The following GALNT13 variants were observed in gnomAD, a reference collection of about 807,000 sequenced individuals.
The protein encoded by GALNT13 is polypeptide N-acetylgalactosaminyltransferase 13.
In GALNT13, 28 loss-of-function variants were observed where a neutral mutation model predicts 64.2. The observed-to-expected ratio is 0.44, with a 90% CI of 0.32 to 0.60. The LOEUF (loss-of-function observed/expected upper bound fraction) is 0.60, where lower values mean the gene tolerates loss of function less well. Ranked by LOEUF, GALNT13 falls within the 20% of genes least tolerant of loss-of-function variation. GALNT13 has a pLI of 0.05. For missense variants in GALNT13, 577 were observed against 669.8 expected, an observed-to-expected ratio of 0.86 and a Z score of 1.53; for synonymous variants, 214 against 224.6, an observed-to-expected ratio of 0.95 and a Z score of 0.42.
chr2:153,255,811 TG>T, the GALNT13 span, among the ~76,000 whole-genome samples: 1 of 152,238 alleles, frequency 6.6e-6, no homozygotes, highest in Non-Finnish European at 1.5e-5. Flanking sequence ...CTCTTCTGGC[TG>T]GTAGAGTTTC....
intron 9 of GALNT13, among the ~76,000 whole-genome samples, chr2:154,362,232 A>C: frequency 6.6e-6 from 1 of 151,520 alleles, no homozygotes; most frequent in Non-Finnish European, 1.5e-5. Context: ...ATGATCACAA[A>C]TTCTACCCCC....
chr2:153,809,269 T>C, the GALNT13 span, among the ~76,000 whole-genome samples: 1 of 152,308 alleles, frequency 6.6e-6, no homozygotes, highest in East Asian at 1.9e-4. Context: ...TCTCCAACAA[T>C]CAGCAAAATA....
chr2:153,356,786 CCTCTTTTT>C, the GALNT13 span, among the ~76,000 whole-genome samples: 18 of 32,826 alleles, frequency 5.5e-4, 1 homozygote, highest in African/African-American at 1.0e-3. Flanking sequence ...TTTTCTTCTT[CCTCTTTTT>C]TTTTTTTTTT....
the GALNT13 span, among the ~76,000 whole-genome samples, chr2:153,564,594 G>GTTT: frequency 7.0e-6 from 1 of 142,196 alleles, no homozygotes; most frequent in African/African-American, 2.5e-5. Context: ...ATGAGGATTA[G>GTTT]TTTTTTTTTT....
At chr2:154,052,800 G>A (rs1208033719) in intron 3 of GALNT13, among the ~76,000 whole-genome samples, 3 of 147,830 alleles carry the variant, frequency 2.0e-5, no homozygotes, top group Admixed American at 6.9e-5. Flanking sequence ...GCAGTGGCAC[G>A]ATCTTGGCTC....
At chr2:153,711,852 C>T in the GALNT13 span, among the ~76,000 whole-genome samples, 25 of 152,120 alleles carry the variant, frequency 1.6e-4, no homozygotes, top group Non-Finnish European at 3.7e-4. Context: ...TTAAAGGCAT[C>T]ACCTTTATTC....
chr2:153,843,293 T>A, the GALNT13 span, among the ~76,000 whole-genome samples: 2 of 152,174 alleles, frequency 1.3e-5, no homozygotes, highest in Admixed American at 1.3e-4. Context: ...GGAGCAGGTA[T>A]GTCACATCAC....
At chr2:153,156,110 ATC>A in the GALNT13 span, among the ~76,000 whole-genome samples, 3 of 152,090 alleles carry the variant, frequency 2.0e-5, no homozygotes, top group Non-Finnish European at 4.4e-5. Flanking sequence ...GTTTGTTGTG[ATC>A]TCAGTTCTTT....
At chr2:153,309,548 T>C in the GALNT13 span, among the ~76,000 whole-genome samples, 1 of 151,806 alleles carries the variant, frequency 6.6e-6, no homozygotes, top group Non-Finnish European at 1.5e-5. Context: ...TTTACCTCCA[T>C]GACACATGCT....
intron 4 of GALNT13, among the ~76,000 whole-genome samples, chr2:154,178,497 A>G (rs1268347505): frequency 1.3e-5 from 2 of 152,084 alleles, no homozygotes; most frequent in African/African-American, 2.4e-5. Context: ...GTACACCAAC[A>G]TGCACATGTG....
At chr2:153,224,437 A>G in the GALNT13 span, among the ~76,000 whole-genome samples, 26,445 of 152,114 alleles carry the variant, frequency 0.17, 2,368 homozygotes, top group Non-Finnish European at 0.18. Context: ...AGCATCACAC[A>G]ATATACTCAG....
At chr2:153,795,294 A>G in the GALNT13 span, among the ~76,000 whole-genome samples, 3 of 152,184 alleles carry the variant, frequency 2.0e-5, no homozygotes, top group Non-Finnish European at 4.4e-5. Context: ...TTTTTGGAAA[A>G]TAATTGTACC....
At chr2:153,635,107 C>T in the GALNT13 span, among the ~76,000 whole-genome samples, 1 of 152,000 alleles carries the variant, frequency 6.6e-6, no homozygotes, top group South Asian at 2.1e-4. Context: ...GAAAAAAAAA[C>T]CACTTTCTAA....
the GALNT13 span, among the ~76,000 whole-genome samples, chr2:153,181,030 C>CTTTTTTTTTTTTTTTTTTTTTTT: frequency 3.1e-5 from 1 of 32,078 alleles, no homozygotes; most frequent in African/African-American, 1.4e-4. Context: ...TTTATTGTTT[C>CTTTTTTTTTTTTTTTTTTTTTTT]TTTTTTTTTT....
chr2:153,423,916 C>T, the GALNT13 span, among the ~76,000 whole-genome samples: 1 of 151,254 alleles, frequency 6.6e-6, no homozygotes, highest in African/African-American at 2.4e-5. Flanking sequence ...CATCTTAAAA[C>T]TTATGTTAGA....
chr2:153,993,653 G>A (rs1330169360), intron 3 of GALNT13, among the ~76,000 whole-genome samples: 2 of 134,208 alleles, frequency 1.5e-5, no homozygotes, highest in African/African-American at 2.8e-5. Context: ...CCGAGATCGT[G>A]CCACTGTACT....
chr2:154,337,110 C>G (rs1462768005), intron 9 of GALNT13, among the ~76,000 whole-genome samples: 3 of 151,964 alleles, frequency 2.0e-5, no homozygotes, highest in Admixed American at 2.0e-4. Context: ...TGCCAGGCCC[C>G]ACATAACAGG....
chr2:154,313,705 G>A (rs1246662732), intron 9 of GALNT13, among the ~76,000 whole-genome samples: 97 of 151,696 alleles, frequency 6.4e-4, no homozygotes, highest in Non-Finnish European at 1.1e-3. Flanking sequence ...TGCCCACCTT[G>A]GCCTCCCAAA....
chr2:153,348,782 C>T, the GALNT13 span, among the ~76,000 whole-genome samples: 3 of 151,984 alleles, frequency 2.0e-5, no homozygotes, highest in Non-Finnish European at 2.9e-5. Flanking sequence ...AATTTCTGAA[C>T]GAATCACTAC....
Sources: allele counts gnomAD v4.1 joint callset (sites outside exome capture counted in the v4.1 genomes callset), GRCh38; gene constraint gnomAD v4.1.1; transcripts MANE v1.5; gene names NCBI Gene and HGNC (gene_info 2026-07-23, HGNC 2026-07-21).